CEP350: variants seen among roughly 807,000 people sequenced by gnomAD.
The protein encoded by CEP350 is centrosome-associated protein 350.
CEP350 carries 126 observed loss-of-function variants against 331.8 expected under a neutral mutation model. The observed-to-expected ratio is 0.38, with a 90% CI of 0.33 to 0.44. CEP350 has a LOEUF of 0.44. Among genes scored for constraint, CEP350 ranks in the 20% least tolerant of loss-of-function variants. CEP350 has a pLI of 1.00. For synonymous variants in CEP350, 1,200 were observed against 1,259.5 expected (o/e 0.95, Z 1.00); for missense variants, 3,406 against 3,634.6 (o/e 0.94, Z 1.62).
chr1:180,073,929 G>A (rs1009039018), intron 27 of CEP350: 1 of 1,303,928 alleles, frequency 7.7e-7, no homozygotes, highest in Non-Finnish European at 1.0e-6. Context: ...ACCTTTTTCA[G>A]TGCACTCTTT....
intron 11 of CEP350, among the ~76,000 whole-genome samples, chr1:180,018,523 T>C (rs41380746): frequency 0.014 from 2,156 of 152,326 alleles, 56 homozygotes; most frequent in African/African-American, 0.048. Context: ...ACTTTGCATT[T>C]GTAATAGCCT....
At chr1:179,955,949 C>T (rs1055967528) in intron 1 of CEP350, among the ~76,000 whole-genome samples, 1 of 152,154 alleles carries the variant, frequency 6.6e-6, no homozygotes, top group Non-Finnish European at 1.5e-5. Context: ...GCCATGTTAA[C>T]GATACCTCCT....
At chr1:179,961,050 C>T (rs1274208978) in intron 1 of CEP350, among the ~76,000 whole-genome samples, 1 of 152,002 alleles carries the variant, frequency 6.6e-6, no homozygotes, top group African/African-American at 2.4e-5. Context: ...TTACATTTAT[C>T]TTTATTTTTT....
intron 25 of CEP350, among the ~76,000 whole-genome samples, chr1:180,058,095 A>G (rs1657969892): frequency 6.6e-6 from 1 of 152,214 alleles, no homozygotes; most frequent in African/African-American, 2.4e-5. Context: ...TATATAATAT[A>G]TGACTCAGCA....
intron 11 of CEP350, among the ~76,000 whole-genome samples, chr1:180,018,079 T>C (rs1655083249): frequency 1.3e-5 from 2 of 152,126 alleles, no homozygotes; most frequent in African/African-American, 4.8e-5. Context: ...GATCATAGCT[T>C]ACTGCAGCCT....
At chr1:180,003,937 G>A (rs1198333775) in intron 7 of CEP350, among the ~76,000 whole-genome samples, 1 of 152,070 alleles carries the variant, frequency 6.6e-6, no homozygotes, top group Non-Finnish European at 1.5e-5. Flanking sequence ...TAAAGTGTGA[G>A]GTCTTTGTAG....
Position 180,054,485 on chromosome 1 carries a change from A to T in CEP350, c.5245A>T (p.Arg1749Trp). Residue 1749 changes from arginine to tryptophan, a missense_variant, in exon 25 of 38, where the codon AGG becomes TGG. Arg to Trp is a moderately radical substitution (Grantham distance 101, BLOSUM62 -3). Coordinates refer to ENST00000367607, the MANE Select transcript of CEP350 (RefSeq NM_014810.5). Reference protein sequence around the residue: ...LRKKQRGLLLRLQQEKAEIKR... With the variant: ...LRKKQRGLLLWLQQEKAEIKR... ...GAAGAAACAGCGTGGTTTGCTTTTA[A>T]GGTTGCAGCAAGAAAAGGTATGTTA... 1 of 1,599,760 alleles carries T rather than the reference A, an allele frequency of 6.3e-7. No individual in the cohort carries two copies. Among genetic ancestry groups the T allele is most frequent in the Non-Finnish European group, 8.5e-7 (1 of 1,172,912 alleles).
chr1:180,016,989 TC>T (rs1655023572), intron 11 of CEP350, among the ~76,000 whole-genome samples: 1 of 152,098 alleles, frequency 6.6e-6, no homozygotes, highest in Admixed American at 6.5e-5. Flanking sequence ...TACCCCATTG[TC>T]CCTAGAATAA....
intron 17 of CEP350, among the ~76,000 whole-genome samples, chr1:180,037,718 C>T (rs1006104276): frequency 2.6e-5 from 4 of 152,094 alleles, no homozygotes; most frequent in Admixed American, 6.5e-5. Context: ...GGCACGATCT[C>T]GGCTCACTGC....
Position 180,113,157 on chromosome 1 carries a change from T to C in CEP350, c.*1996T>C, listed in dbSNP as rs1661537418. 1 of 152,652 alleles carries C rather than the reference T, an allele frequency of 6.6e-6. No individual in the cohort carries two copies. Among genetic ancestry groups the C allele is most frequent in the African/African-American group, 2.4e-5 (1 of 41,450 alleles). 9.5% of individuals were successfully genotyped at this position (152,652 alleles called of 1,614,324 possible). On this transcript the variant is annotated 3_prime_UTR_variant, in exon 38 of 38. Coordinates refer to ENST00000367607, the MANE Select transcript of CEP350 (RefSeq NM_014810.5). ...AGGCTTTTCTTTTCAGTTTGTGTTA[T>C]TTGGAAGACAGAAAAACATCTTGTC...
At chr1:179,984,988 T>C (rs1397153734) in intron 1 of CEP350, among the ~76,000 whole-genome samples, 2 of 152,208 alleles carry the variant, frequency 1.3e-5, no homozygotes, top group African/African-American at 4.8e-5. Flanking sequence ...TTTCTTTTTT[T>C]ATTGTGGTAA....
chr1:179,975,717 TAATG>T (rs963705223), intron 1 of CEP350, among the ~76,000 whole-genome samples: 2 of 152,174 alleles, frequency 1.3e-5, no homozygotes, highest in Non-Finnish European at 2.9e-5. Context: ...TGAAGATAGA[TAATG>T]AATTTATTTG....
At position 180,106,374 on chromosome 1, in the gene CEP350, C is replaced by T. The variant is rs890987382; in HGVS notation, c.9190-4623C>T. Among the ~76,000 whole-genome samples the T allele has an allele frequency of 7.2e-5, 11 of 152,262 alleles. No individual in the cohort carries two copies. The East Asian group carries it at 1.4e-3, about 19-fold the overall frequency. ...TTGCTTCTATAGCTTTGGGGCTTTA[C>T]GTAACAACTTTAATTTTTTCTACAC... On this transcript the variant is annotated intron_variant, in intron 37 of 37. Coordinates refer to ENST00000367607, the MANE Select transcript of CEP350 (RefSeq NM_014810.5).
chr1:179,982,153 C>G (rs138711099), intron 1 of CEP350, among the ~76,000 whole-genome samples: 50 of 152,294 alleles, frequency 3.3e-4, no homozygotes, highest in African/African-American at 1.2e-3. Context: ...GAAATCAGCA[C>G]CCAAATCCAT....
chr1:180,045,480 A>G lies in CEP350; in HGVS notation c.4622+1307A>G, dbSNP rs537314778. On this transcript the variant is annotated intron_variant, in intron 21 of 37. Coordinates refer to ENST00000367607, the MANE Select transcript of CEP350 (RefSeq NM_014810.5). ...GCATTTTTACAGTTAACATACTGAC[A>G]TTGTCAAGTATAGTAAAACCCCAAT... 7.2e-5 allele frequency among the ~76,000 whole-genome samples: 11 copies of G among 152,376 alleles called. No individual in the cohort carries two copies. In the South Asian group the frequency reaches 1.9e-3, roughly 26 times the overall value.
chr1:180,047,920 C>G (rs1289793681), intron 21 of CEP350, among the ~76,000 whole-genome samples: 2 of 151,908 alleles, frequency 1.3e-5, no homozygotes, highest in East Asian at 1.9e-4. Context: ...GAAGGGAGGG[C>G]TCTTTTATTT....
rs182268394 is a variant in CEP350 at position 180,088,800 on chromosome 1, A to G, written c.6425+1083A>G. 1.1e-3 allele frequency among the ~76,000 whole-genome samples: 174 copies of G among 152,360 alleles called. 2 individuals carry two copies. Among genetic ancestry groups the G allele is most frequent in the African/African-American group, 3.9e-3 (163 of 41,582 alleles). ...GGTTAATACACATGTTATGAGGGTT[A>G]AAAGACTTAACAGGGCTTAGGACAC... On this transcript the variant is annotated intron_variant, in intron 32 of 37. Coordinates refer to ENST00000367607, the MANE Select transcript of CEP350 (RefSeq NM_014810.5).
rs371101524 is a variant in CEP350, at chr1:180,016,505, CAAAA to C, written c.2174+539_2174+542del. ...AATATATTGTTTGCAATAAAGTAAA[CAAAA>C]AAACTGTGAGTTTGGAAGTAAAGGT... is the stretch of plus-strand genomic sequence containing the variant. On this transcript the variant is annotated intron_variant, in intron 11 of 37. Coordinates refer to ENST00000367607, the MANE Select transcript of CEP350 (RefSeq NM_014810.5). Among the ~76,000 whole-genome samples, 26 of 151,490 alleles carry C rather than the reference CAAAA, an allele frequency of 1.7e-4. No homozygotes were observed. In the East Asian group the frequency reaches 2.5e-3, roughly 15 times the overall value.
At chr1:180,002,042 G>T (rs1003922972) in intron 6 of CEP350, among the ~76,000 whole-genome samples, 1 of 152,174 alleles carries the variant, frequency 6.6e-6, no homozygotes, top group African/African-American at 2.4e-5. Context: ...TATTAGGGGA[G>T]TATGAATCAA....
Sources: allele counts gnomAD v4.1 joint callset (sites outside exome capture counted in the v4.1 genomes callset), GRCh38; gene constraint gnomAD v4.1.1; transcripts MANE v1.5; gene names NCBI Gene and HGNC (gene_info 2026-07-23, HGNC 2026-07-21).